Variants in ERG observed in about 807,000 individuals in gnomAD.
ERG encodes the protein ETS transcription factor ERG.
In ERG, 9 loss-of-function variants were observed where a neutral mutation model predicts 55.3. That is an observed-to-expected ratio of 0.16 (90% CI 0.10 to 0.28). ERG has a LOEUF of 0.28. Ranked by LOEUF, ERG falls within the 10% of genes least tolerant of loss-of-function variation. ERG has a pLI of 1.00. For missense variants in ERG, 434 were observed against 631.6 expected, an observed-to-expected ratio of 0.69 and a Z score of 3.35; for synonymous variants, 223 against 237.3, an observed-to-expected ratio of 0.94 and a Z score of 0.55.
In ERG at chr21:38,456,615, G is replaced by A. The variant is rs375035147; in HGVS notation, c.19-10994C>T. ...CCCATCCCCATCATTGTTGGCATGG[G>A]CCACACACTGTATAACGCAGACATG... On this transcript the variant is annotated intron_variant, in intron 1 of 9. Transcript: ENST00000288319. Among the ~76,000 whole-genome samples, 19 of 152,246 alleles carry A rather than the reference G, an allele frequency of 1.2e-4. No individual in the cohort carries two copies. In the East Asian group the frequency reaches 3.7e-3, roughly 29 times the overall value.
intron 1 of ERG, among the ~76,000 whole-genome samples, chr21:38,613,345 A>G (rs1262366400): frequency 6.6e-6 from 1 of 152,246 alleles, no homozygotes; most frequent in Non-Finnish European, 1.5e-5. Context: ...CTAAGTGACT[A>G]GACTATGAAA....
At chr21:38,450,855 G>A in intron 1 of ERG, 1 of 447,958 alleles carries the variant, frequency 2.2e-6, no homozygotes, top group South Asian at 1.6e-5. Flanking sequence ...TACATTTTAT[G>A]AAAAATGATC....
chr21:38,603,044 T>A (rs571279678), intron 1 of ERG, among the ~76,000 whole-genome samples: 2 of 151,810 alleles, frequency 1.3e-5, no homozygotes, highest in African/African-American at 4.8e-5. Context: ...ACAGGCAAGG[T>A]AATGTTCAAA....
At chr21:38,397,505 G>C (rs1188684478) in intron 6 of ERG, among the ~76,000 whole-genome samples, 1 of 137,922 alleles carries the variant, frequency 7.3e-6, no homozygotes, top group African/African-American at 2.7e-5. Flanking sequence ...GGCTGAGGCA[G>C]AAGAATCACT....
intron 2 of ERG, among the ~76,000 whole-genome samples, chr21:38,570,256 A>G (rs575857944): frequency 1.3e-5 from 2 of 152,226 alleles, no homozygotes; most frequent in African/African-American, 4.8e-5. Flanking sequence ...ATCCCCAACC[A>G]CTTCTCAAAG....
chr21:38,502,972 G>A (rs960867116), upstream of ERG, among the ~76,000 whole-genome samples: 5 of 152,068 alleles, frequency 3.3e-5, no homozygotes, highest in Non-Finnish European at 7.4e-5. Flanking sequence ...TGATCCACTC[G>A]CCTCAGCCTC....
At chr21:38,629,209 C>T (rs2060342810) in intron 1 of ERG, among the ~76,000 whole-genome samples, 1 of 152,178 alleles carries the variant, frequency 6.6e-6, no homozygotes, top group Non-Finnish European at 1.5e-5. Context: ...TCCTCCATCC[C>T]TGGTTCTTTC....
chr21:38,428,928 G>A (rs1175309274), intron 2 of ERG, among the ~76,000 whole-genome samples: 1 of 152,072 alleles, frequency 6.6e-6, no homozygotes, highest in African/African-American at 2.4e-5. Context: ...AACAGGTGGT[G>A]TCTGGTTACA....
At chr21:38,468,259 T>A (rs1461835069) in intron 1 of ERG, among the ~76,000 whole-genome samples, 2 of 152,174 alleles carry the variant, frequency 1.3e-5, no homozygotes, top group African/African-American at 4.8e-5. Context: ...CTCACTCCTT[T>A]CTCTCTCCTG....
intron 6 of ERG, among the ~76,000 whole-genome samples, chr21:38,393,107 T>C (rs533430781): frequency 2.0e-4 from 31 of 152,210 alleles, no homozygotes; most frequent in Non-Finnish European, 3.7e-4. Context: ...ATGAAATGAA[T>C]TACAGGACTG....
chr21:38,371,104 T>C, the ERG span, among the ~76,000 whole-genome samples: 1 of 152,100 alleles, frequency 6.6e-6, no homozygotes, highest in Non-Finnish European at 1.5e-5. Context: ...GAAGGTTTAT[T>C]GTTTTCCCAT....
In ERG at chr21:38,399,672, T is replaced by A. The variant is rs1467102005; in HGVS notation, c.745+902A>T. Reference sequence around the variant, plus strand: ...ATTATTCGTCTGGCAAACATCTAATTCCCCTTTGCCATGTGGCCATTCCTC... The same window carrying A: ...ATTATTCGTCTGGCAAACATCTAATACCCCTTTGCCATGTGGCCATTCCTC... On this transcript the variant is annotated intron_variant, in intron 6 of 9. Transcript: ENST00000288319. 2.0e-5 allele frequency among the ~76,000 whole-genome samples: 3 copies of A among 152,182 alleles called. No homozygotes were observed. The East Asian group carries it at 5.8e-4, about 29-fold the overall frequency.
At chr21:38,370,482 T>C in the ERG span, among the ~76,000 whole-genome samples, 1 of 152,080 alleles carries the variant, frequency 6.6e-6, no homozygotes, top group African/African-American at 2.4e-5. Flanking sequence ...TTATGTCTTG[T>C]TTTATAAAAC....
rs1211858431 is a variant in ERG at position 38,382,028 on chromosome 21, T to G, written c.*1375A>C. ...GTGCAAATGCAGACTCCTGTATAAA[T>G]CTGATTTGCCATGCTAGGCCAAGCT... On this transcript the variant is annotated 3_prime_UTR_variant, in exon 10 of 10. Coordinates refer to ENST00000288319, the MANE Select transcript of ERG (RefSeq NM_182918.4). 1 of 1,060,016 alleles carries G rather than the reference T, an allele frequency of 9.4e-7. No individual in the cohort carries two copies. Among genetic ancestry groups the G allele is most frequent in the Non-Finnish European group, 1.1e-6 (1 of 875,832 alleles). 65.7% of individuals were successfully genotyped at this position (1,060,016 alleles called of 1,614,324 possible). A position where few individuals can be genotyped will look rare whatever the true frequency, so the allele number is the denominator to read the frequency against.
chr21:38,465,412 G>A (rs2059079503), intron 1 of ERG, among the ~76,000 whole-genome samples: 2 of 152,196 alleles, frequency 1.3e-5, no homozygotes, highest in African/African-American at 4.8e-5. Context: ...AGGGAGGGGT[G>A]AACAGGTGGA....
chr21:38,403,412 G>A, intron 4 of ERG, 94 bp downstream of exon 4: 4 of 1,226,954 alleles, frequency 3.3e-6, no homozygotes, highest in Non-Finnish European at 4.8e-6. Flanking sequence ...GAGGGCAGGA[G>A]GATGCTGTCG....
chr21:38,467,743 A>G (rs1222728698), intron 1 of ERG, among the ~76,000 whole-genome samples: 1 of 152,250 alleles, frequency 6.6e-6, no homozygotes, highest in Non-Finnish European at 1.5e-5. Flanking sequence ...AAGGCCATAC[A>G]TATTCAAGTC....
chr21:38,406,410 C>T (rs1307747612), intron 3 of ERG, among the ~76,000 whole-genome samples: 1 of 152,054 alleles, frequency 6.6e-6, no homozygotes, highest in Non-Finnish European at 1.5e-5. Context: ...ATTTGGCTTT[C>T]AGAGATAAAA....
chr21:38,424,001 G>T (rs993839067), intron 2 of ERG, among the ~76,000 whole-genome samples: 1 of 151,868 alleles, frequency 6.6e-6, no homozygotes, highest in Non-Finnish European at 1.5e-5. Context: ...GAAAAGAAAA[G>T]AAATGCCGAA....
Sources: allele counts gnomAD v4.1 joint callset (sites outside exome capture counted in the v4.1 genomes callset), GRCh38; gene constraint gnomAD v4.1.1; transcripts MANE v1.5; gene names NCBI Gene and HGNC (gene_info 2026-07-23, HGNC 2026-07-21).